The following OSBP2 variants were observed in gnomAD, a reference collection of about 807,000 sequenced individuals.
OSBP2 encodes the protein oxysterol-binding protein 2.
OSBP2 carries 66 observed loss-of-function variants against 96.0 expected under a neutral mutation model. The observed-to-expected ratio is 0.69, with a 90% confidence interval of 0.56 to 0.84. OSBP2 has a LOEUF of 0.84. Among genes scored for constraint, OSBP2 ranks in the 40% least tolerant of loss-of-function variants. OSBP2 has a pLI of 0.00. For missense variants in OSBP2, 1,038 were observed against 1,222.7 expected, an observed-to-expected ratio of 0.85 and a Z score of 2.25; for synonymous variants, 525 against 520.9, an observed-to-expected ratio of 1.01 and a Z score of -0.11.
chr22:30,781,968 G>A (rs1002581705), intron 2 of OSBP2, among the ~76,000 whole-genome samples: 3 of 152,176 alleles, frequency 2.0e-5, no homozygotes, highest in Admixed American at 6.5e-5. Context: ...CCAACAGGGT[G>A]AAACCCCATC....
intron 2 of OSBP2, among the ~76,000 whole-genome samples, chr22:30,812,138 G>A (rs1312531138): frequency 6.6e-6 from 1 of 151,998 alleles, no homozygotes; most frequent in East Asian, 1.9e-4. Flanking sequence ...ACAGGCATGA[G>A]CCACCACACC....
rs136222 is a variant in OSBP2 at position 30,823,926 on chromosome 22, G to A, written c.854-46503G>A. Among the ~76,000 whole-genome samples the A allele has an allele frequency of 8.4e-3, 1,280 of 152,290 alleles. 12 individuals are homozygous for A. Among genetic ancestry groups the A allele is most frequent in the African/African-American group, 0.024 (980 of 41,564 alleles). On this transcript the variant is annotated intron_variant, in intron 2 of 13. Coordinates refer to ENST00000332585, the MANE Select transcript of OSBP2 (RefSeq NM_030758.4). Reference sequence around the variant, plus strand: ...AAATTTAAATGATGTTTCTGTCATCGGTTTGGATGGATTTATTCCGAGGGA... The same window carrying A: ...AAATTTAAATGATGTTTCTGTCATCAGTTTGGATGGATTTATTCCGAGGGA...
intron 2 of OSBP2, among the ~76,000 whole-genome samples, chr22:30,849,845 A>G (rs969187059): frequency 6.6e-6 from 1 of 152,058 alleles, no homozygotes; most frequent in Non-Finnish European, 1.5e-5. Flanking sequence ...TATAGTTTTA[A>G]CCTTTACATC....
intron 2 of OSBP2, among the ~76,000 whole-genome samples, chr22:30,813,171 CTTTTTTTTT>C (rs911860511): frequency 1.3e-5 from 1 of 78,588 alleles, no homozygotes; most frequent in African/African-American, 5.1e-5. Flanking sequence ...ATGTTGCATT[CTTTTTTTTT>C]TTTTTTTTTT....
intron 1 of OSBP2, chr22:30,731,682 G>A (rs767756184): frequency 7.8e-5 from 12 of 154,648 alleles, no homozygotes; most frequent in African/African-American, 2.9e-4. Flanking sequence ...GGGAATCTCC[G>A]TTTTCCTTGG....
At chr22:30,702,051 T>G (rs2089172160) in intron 1 of OSBP2, among the ~76,000 whole-genome samples, 1 of 152,106 alleles carries the variant, frequency 6.6e-6, no homozygotes, top group Non-Finnish European at 1.5e-5. Context: ...CCCTCCTAAC[T>G]CCTCTTTCTA....
chr22:30,774,913 A>G (rs554753672), intron 2 of OSBP2, among the ~76,000 whole-genome samples: 2 of 152,226 alleles, frequency 1.3e-5, no homozygotes, highest in South Asian at 2.1e-4. Context: ...TATTATGGAA[A>G]AGATCTAACA....
chr22:30,746,134 C>T (rs1271024603), intron 2 of OSBP2, among the ~76,000 whole-genome samples: 2 of 152,012 alleles, frequency 1.3e-5, no homozygotes, highest in Admixed American at 6.6e-5. Context: ...AAAGAACTTG[C>T]AAGGCTGGGC....
chr22:30,752,955 A>C (rs1432360879), intron 2 of OSBP2, among the ~76,000 whole-genome samples: 1 of 152,182 alleles, frequency 6.6e-6, no homozygotes. Flanking sequence ...CCTGAATTCC[A>C]AAGGGAGGAG....
At chr22:30,868,654 G>T (rs2039396840) in intron 2 of OSBP2, among the ~76,000 whole-genome samples, 1 of 152,224 alleles carries the variant, frequency 6.6e-6, no homozygotes, top group Non-Finnish European at 1.5e-5. Context: ...TCATTTGGGG[G>T]CTGCAGTTGT....
intron 2 of OSBP2, chr22:30,822,689 G>C (rs1459989336): frequency 6.5e-7 from 1 of 1,533,652 alleles, no homozygotes; most frequent in Non-Finnish European, 8.7e-7. Flanking sequence ...AGCTCCGGCT[G>C]CCTGAATAAA....
chr22:30,768,305 G>A (rs529715345), intron 2 of OSBP2, among the ~76,000 whole-genome samples: 15 of 152,278 alleles, frequency 9.9e-5, no homozygotes, highest in East Asian at 1.9e-4. Flanking sequence ...AGAAGTAGGC[G>A]TTATGTAATA....
At chr22:30,878,501 C>T (rs555938268) in intron 3 of OSBP2, among the ~76,000 whole-genome samples, 5 of 152,302 alleles carry the variant, frequency 3.3e-5, no homozygotes, top group East Asian at 1.9e-4. Context: ...TGCTGTCTGA[C>T]GCCCTGCTTG....
chr22:30,888,294 G>A lies in OSBP2; in HGVS notation c.1372G>A (p.Asp458Asn), dbSNP rs142260765. The A allele has an allele frequency of 6.2e-7, 1 of 1,613,742 alleles. No homozygotes were observed. The highest frequency in any genetic ancestry group is 8.5e-7 in the Non-Finnish European group (1 of 1,179,838). Residue 458 changes from aspartate (D) to asparagine (N), a missense_variant, in exon 5 of 14, where the codon GAC becomes AAC. By Grantham distance (23) the Asp-to-Asn change is conservative. Around this residue, in one of 3 missense-constraint regions of OSBP2, gnomAD observed 737 missense variants for 913.3 expected, o/e 0.81. Coordinates refer to ENST00000332585, the MANE Select transcript of OSBP2 (RefSeq NM_030758.4). ...EDTEYFDAME[D>N]STSFITVITE... ...TACCGAGTACTTTGATGCCATGGAA[G>A]ACTCCACATCCTTCATCACCGTGAT...
intron 2 of OSBP2, among the ~76,000 whole-genome samples, chr22:30,867,160 C>T (rs1338679033): frequency 6.6e-6 from 1 of 152,182 alleles, no homozygotes; most frequent in Non-Finnish European, 1.5e-5. Context: ...AGGGGTCCTT[C>T]CTGCCCAAGC....
intron 2 of OSBP2, chr22:30,764,318 G>A (rs1162894744): frequency 2.0e-6 from 2 of 985,196 alleles, no homozygotes; most frequent in African/African-American, 3.5e-5. Context: ...GTGGCTGGTG[G>A]CCCTAGAGGC....
At chr22:30,812,705 T>G (rs1314267135) in intron 2 of OSBP2, among the ~76,000 whole-genome samples, 1 of 152,224 alleles carries the variant, frequency 6.6e-6, no homozygotes, top group African/African-American at 2.4e-5. Flanking sequence ...GCTATAAAAT[T>G]GTCAGCCAAA....
upstream of OSBP2, chr22:30,694,429 C>T (rs1228888472): frequency 5.8e-5 from 82 of 1,413,150 alleles, no homozygotes; most frequent in East Asian, 1.9e-3. Flanking sequence ...CTCTGGGTGC[C>T]GTACCTGCTT....
rs917120940 is a variant in OSBP2 at position 30,881,577 on chromosome 22, C to A, written c.1108-5849C>A. ...GACCACGTTCAGGCCTGGGCTGGGT[C>A]AGCCAGGCCCTCCCTGGGCCCCTGG... is the stretch of plus-strand genomic sequence containing the variant. On this transcript the variant is annotated intron_variant, in intron 3 of 13. Coordinates refer to ENST00000332585, the MANE Select transcript of OSBP2 (RefSeq NM_030758.4). This position sits in a 1 kb window ranked among gnomAD's most constrained non-coding sequence, Gnocchi z 4.5. 365 of 1,079,632 alleles carry A rather than the reference C, an allele frequency of 3.4e-4. No homozygotes were observed. The highest frequency in any genetic ancestry group is 4.2e-4 in the Non-Finnish European group (337 of 810,888). The allele number at this position is 1,079,632 out of a possible 1,614,324, so 66.9% of individuals were successfully genotyped here. A position where few individuals can be genotyped will look rare whatever the true frequency, so the allele number is the denominator to read the frequency against.
Sources: allele counts gnomAD v4.1 joint callset (sites outside exome capture counted in the v4.1 genomes callset), GRCh38; gene constraint gnomAD v4.1.1; regional missense constraint gnomAD v4.1.1; non-coding constraint Gnocchi (gnomAD v3.1); transcripts MANE v1.5; gene names NCBI Gene and HGNC (gene_info 2026-07-23, HGNC 2026-07-21).